CNKSR3: variants seen among roughly 807,000 people sequenced by gnomAD.
CNKSR3 encodes the protein CNKSR family member 3, also known as connector enhancer of kinase suppressor of ras 3.
A neutral mutation model predicts 67.7 loss-of-function variants in CNKSR3; 36 were observed. The ratio of observed to expected loss-of-function variants is 0.53; its 90% CI spans 0.41 to 0.70. The LOEUF (loss-of-function observed/expected upper bound fraction) is 0.70. Among genes scored for constraint, CNKSR3 ranks in the 30% least tolerant of loss-of-function variants. CNKSR3 has a pLI of 0.00. For missense variants in CNKSR3, 630 were observed against 695.2 expected (o/e 0.91, Z 1.05); for synonymous variants, 281 against 271.4 (o/e 1.04, Z -0.35).
Position 154,442,202 on chromosome 6 carries a change from C to A in CNKSR3, c.305G>T (p.Arg102Leu). 1 of 1,614,126 alleles carries A rather than the reference C, an allele frequency of 6.2e-7. No homozygotes were observed. Reference protein sequence around the residue: ...SHNLQNYISSRRKSPAYDGNT... With the variant: ...SHNLQNYISSLRKSPAYDGNT... ...GCCATCGTAAGCGGGACTTTTCCGT[C>A]GGCTACTTATGTAATTCTGTAAATT... The change falls in exon 3 of 13, where the codon CGA becomes CTA. Residue 102 changes from arginine (R) to leucine (L), a missense_variant. Physicochemically the swap from Arg to Leu is moderately radical, Grantham distance 102. Transcript: ENST00000607772.
At chr6:154,450,919 A>G (rs997150119) in intron 1 of CNKSR3, among the ~76,000 whole-genome samples, 2 of 152,234 alleles carry the variant, frequency 1.3e-5, no homozygotes, top group Non-Finnish European at 2.9e-5. Flanking sequence ...AATGCCCCCA[A>G]TAATATCCTA....
intron 1 of CNKSR3, among the ~76,000 whole-genome samples, chr6:154,472,820 A>AAAC (rs1582888176): frequency 6.6e-6 from 1 of 151,888 alleles, no homozygotes; most frequent in East Asian, 1.9e-4. Context: ...AAAAAAAGCA[A>AAAC]AACAACAACA....
At chr6:154,465,969 C>A (rs1682383490) in intron 1 of CNKSR3, among the ~76,000 whole-genome samples, 1 of 152,180 alleles carries the variant, frequency 6.6e-6, no homozygotes, top group Non-Finnish European at 1.5e-5. Context: ...GAAACTGGCC[C>A]TCCAGGCTGG....
Position 154,422,672 on chromosome 6 carries a change from G to T in CNKSR3, c.799-20C>A. The T allele has an allele frequency of 6.2e-7, 1 of 1,612,216 alleles. No individual in the cohort carries two copies. Among genetic ancestry groups the T allele is most frequent in the South Asian group, 1.1e-5 (1 of 90,986 alleles). On this transcript the variant is annotated intron_variant, in intron 8 of 12. Transcript: ENST00000607772. Reference sequence around the variant, plus strand: ...TCCCACCTTCAAAGAAAGCAAATGGGGAGGGAAGACTTGCTCATGAATAAC... The same window carrying T: ...TCCCACCTTCAAAGAAAGCAAATGGTGAGGGAAGACTTGCTCATGAATAAC...
chr6:154,412,703 C>A (rs1231854232), intron 10 of CNKSR3, among the ~76,000 whole-genome samples: 4 of 152,118 alleles, frequency 2.6e-5, no homozygotes, highest in African/African-American at 9.7e-5. Context: ...AATCTCTGCA[C>A]CCAATGCAGA....
intron 1 of CNKSR3, among the ~76,000 whole-genome samples, chr6:154,462,762 G>T (rs770645217): frequency 6.6e-6 from 1 of 152,182 alleles, no homozygotes; most frequent in Non-Finnish European, 1.5e-5. Flanking sequence ...ATATGAAGGA[G>T]CCCAGCATTC....
intron 6 of CNKSR3, among the ~76,000 whole-genome samples, chr6:154,429,039 C>G (rs1236301267): frequency 6.6e-6 from 1 of 152,218 alleles, no homozygotes; most frequent in Non-Finnish European, 1.5e-5. Context: ...TATTCTCTCT[C>G]CTCAGAGGCC....
At chr6:154,482,798 G>A (rs1786591402) in intron 1 of CNKSR3, among the ~76,000 whole-genome samples, 1 of 152,126 alleles carries the variant, frequency 6.6e-6, no homozygotes, top group East Asian at 1.9e-4. Flanking sequence ...TGTATTATTT[G>A]ACAAATAAAA....
chr6:154,455,552 G>A (rs994682765), intron 1 of CNKSR3, among the ~76,000 whole-genome samples: 2 of 151,386 alleles, frequency 1.3e-5, no homozygotes, highest in African/African-American at 4.9e-5. Flanking sequence ...CTCCCAAGTA[G>A]CTGGGATTAT....
chr6:154,510,040 G>A (rs199950906), intron 1 of CNKSR3, 23 bp downstream of exon 1: 1 of 1,613,690 alleles, frequency 6.2e-7, no homozygotes, highest in East Asian at 2.2e-5. Context: ...GGAGGACTCC[G>A]GACCCCCCCA....
intron 8 of CNKSR3, 67 bp downstream of exon 8, chr6:154,422,848 A>G (rs1278598634): frequency 4.4e-5 from 61 of 1,381,120 alleles, no homozygotes; most frequent in Non-Finnish European, 6.0e-5. Flanking sequence ...AAAAATTTAA[A>G]CAAAATGGTT....
chr6:154,492,075 C>A (rs925218042), intron 1 of CNKSR3, among the ~76,000 whole-genome samples: 1 of 152,192 alleles, frequency 6.6e-6, no homozygotes, highest in African/African-American at 2.4e-5. Context: ...CCAACCTGCA[C>A]ACAGCTAACT....
chr6:154,411,578 G>A (rs1456027939), intron 10 of CNKSR3, among the ~76,000 whole-genome samples: 1 of 145,442 alleles, frequency 6.9e-6, no homozygotes, highest in African/African-American at 2.6e-5. Flanking sequence ...AGGTTACAGT[G>A]AGCTGAGATC....
intron 4 of CNKSR3, among the ~76,000 whole-genome samples, chr6:154,438,031 C>T (rs546480998): frequency 2.0e-5 from 3 of 150,836 alleles, no homozygotes; most frequent in South Asian, 2.1e-4. Context: ...CTCCTGACCT[C>T]GTGATCCACC....
intron 1 of CNKSR3, among the ~76,000 whole-genome samples, chr6:154,503,092 T>C (rs1471162395): frequency 6.6e-6 from 1 of 152,210 alleles, no homozygotes; most frequent in African/African-American, 2.4e-5. Context: ...CATGGTTATT[T>C]ATTCCTGAAA....
At chr6:154,423,064 G>A in intron 7 of CNKSR3, 81 bp from the exon 8 acceptor site, 2 of 921,958 alleles carry the variant, frequency 2.2e-6, no homozygotes, top group South Asian at 3.1e-5. Context: ...TTCTTCTGTA[G>A]ACAATTAGCA....
intron 1 of CNKSR3, among the ~76,000 whole-genome samples, chr6:154,466,485 A>G (rs1786201331): frequency 6.6e-6 from 1 of 152,198 alleles, no homozygotes; most frequent in East Asian, 1.9e-4. Context: ...CCCAGAGTCC[A>G]GGACCCAGCC....
chr6:154,415,052 T>C (rs1165342418), intron 9 of CNKSR3, among the ~76,000 whole-genome samples: 1 of 135,796 alleles, frequency 7.4e-6, no homozygotes, highest in Non-Finnish European at 1.5e-5. Context: ...GAGCGAAGAG[T>C]GTACCACTGC....
chr6:154,413,736 G>C (rs1260551350), intron 10 of CNKSR3, among the ~76,000 whole-genome samples: 1 of 151,938 alleles, frequency 6.6e-6, no homozygotes, highest in Admixed American at 6.6e-5. Flanking sequence ...TCAAAAGTAA[G>C]GTATTGCTAT....
Sources: allele counts gnomAD v4.1 joint callset (sites outside exome capture counted in the v4.1 genomes callset), GRCh38; gene constraint gnomAD v4.1.1; transcripts MANE v1.5; gene names NCBI Gene and HGNC (gene_info 2026-07-23, HGNC 2026-07-21).